ATG10: variants seen among roughly 807,000 people sequenced by gnomAD.
ATG10 encodes autophagy related 10.
Under a neutral mutation model 32.1 loss-of-function variants are expected in ATG10, and 30 were observed. That is an observed-to-expected ratio of 0.94 (90% CI 0.70 to 1.27). ATG10 has a LOEUF of 1.27. Ranked by LOEUF, ATG10 falls within the 50% of genes most tolerant of loss-of-function variation. The pLI, the probability that ATG10 is intolerant of heterozygous loss-of-function variation, is 0.00. For missense variants in ATG10, 233 were observed against 262.3 expected, an observed-to-expected ratio of 0.89 and a Z score of 0.77; for synonymous variants, 87 against 91.5, an observed-to-expected ratio of 0.95 and a Z score of 0.28.
intron 5 of ATG10, among the ~76,000 whole-genome samples, chr5:82,222,785 C>T (rs1441589484): frequency 1.3e-5 from 2 of 152,208 alleles, no homozygotes; most frequent in African/African-American, 4.8e-5. Context: ...GGCACATCAG[C>T]TGTGCAGTTG....
At chr5:81,980,626 GTGATTTGAAA>G (rs895076795) in intron 1 of ATG10, among the ~76,000 whole-genome samples, 1 of 151,878 alleles carries the variant, frequency 6.6e-6, no homozygotes, top group Non-Finnish European at 1.5e-5. Context: ...GTGTTTTTGT[GTGATTTGAAA>G]TAATTTATAG....
chr5:82,171,363 G>T (rs1581766847), intron 4 of ATG10, among the ~76,000 whole-genome samples: 1 of 152,154 alleles, frequency 6.6e-6, no homozygotes, highest in East Asian at 1.9e-4. Flanking sequence ...ATTCAAGACT[G>T]CTAGACAAAT....
intron 3 of ATG10, among the ~76,000 whole-genome samples, chr5:82,059,870 T>A (rs1374383960): frequency 6.6e-6 from 1 of 152,192 alleles, no homozygotes; most frequent in East Asian, 1.9e-4. Flanking sequence ...TGATTACTGC[T>A]TCATGGTTCC....
chr5:82,087,333 A>G (rs1393747823), intron 3 of ATG10, among the ~76,000 whole-genome samples: 1 of 152,174 alleles, frequency 6.6e-6, no homozygotes, highest in African/African-American at 2.4e-5. Context: ...AGTACTCAAT[A>G]TATTGAAAAG....
At chr5:82,229,556 C>G (rs1012764401) in intron 5 of ATG10, among the ~76,000 whole-genome samples, 1 of 152,102 alleles carries the variant, frequency 6.6e-6, no homozygotes, top group African/African-American at 2.4e-5. Flanking sequence ...GGTTTTTACA[C>G]TTAATATCAT....
chr5:82,076,654 A>G (rs1248392561), intron 3 of ATG10, among the ~76,000 whole-genome samples: 1 of 152,216 alleles, frequency 6.6e-6, no homozygotes, highest in East Asian at 1.9e-4. Context: ...GAATTATTTA[A>G]GTGTAGCCAG....
chr5:82,136,344 G>GT (rs1168348714), intron 3 of ATG10, among the ~76,000 whole-genome samples: 6 of 152,162 alleles, frequency 3.9e-5, no homozygotes, highest in African/African-American at 1.4e-4. Context: ...AATTTGATAT[G>GT]TTTTTGCAGT....
intron 5 of ATG10, among the ~76,000 whole-genome samples, chr5:82,210,764 C>T (rs1745463072): frequency 1.3e-5 from 2 of 152,084 alleles, no homozygotes; most frequent in Non-Finnish European, 2.9e-5. Context: ...CCTGCCCCAC[C>T]TCAAGGCACT....
At chr5:82,139,570 C>CGCT (rs1766957486) in intron 3 of ATG10, among the ~76,000 whole-genome samples, 1 of 142,980 alleles carries the variant, frequency 7.0e-6, no homozygotes. Flanking sequence ...TCTGCCCGGC[C>CGCT]GCCCCGTCTG....
intron 5 of ATG10, among the ~76,000 whole-genome samples, chr5:82,207,937 A>T (rs891401518): frequency 2.6e-5 from 4 of 152,112 alleles, no homozygotes; most frequent in African/African-American, 9.7e-5. Context: ...TTTTCTAGAT[A>T]TTTTTTAACT....
intron 2 of ATG10, among the ~76,000 whole-genome samples, chr5:81,988,471 A>G (rs1761356650): frequency 6.6e-6 from 1 of 151,632 alleles, no homozygotes; most frequent in Non-Finnish European, 1.5e-5. Flanking sequence ...GATGGATTCT[A>G]GTTCTGTTCT....
rs558157183 is a variant in ATG10 at position 82,229,426 on chromosome 5, T to C, written c.454-23136T>C. The stretch of plus-strand genomic sequence containing the variant: ...GAGTTTGACAGGCACAATTTTGATT[T>C]AAATTTTATTTCATGCCATGCTTCA... On this transcript the variant is annotated intron_variant, in intron 5 of 7. Transcript: ENST00000282185. Among the ~76,000 whole-genome samples, 10 of 152,384 alleles carry C rather than the reference T, an allele frequency of 6.6e-5. No individual in the cohort carries two copies. The East Asian group carries it at 1.2e-3, about 18-fold the overall frequency.
intron 5 of ATG10, among the ~76,000 whole-genome samples, chr5:82,203,801 C>T (rs1280140071): frequency 2.0e-5 from 3 of 152,060 alleles, no homozygotes; most frequent in Non-Finnish European, 4.4e-5. Context: ...CTTGTGACTG[C>T]TTTTTAAATC....
At chr5:82,138,522 T>A (rs1044517567) in intron 3 of ATG10, among the ~76,000 whole-genome samples, 5 of 152,014 alleles carry the variant, frequency 3.3e-5, no homozygotes, top group Admixed American at 2.0e-4. Flanking sequence ...AGGTGATGCC[T>A]TACCCTGCCT....
chr5:81,976,394 A>G (rs1465659503), intron 1 of ATG10: 1 of 151,986 alleles, frequency 6.6e-6, no homozygotes, highest in Non-Finnish European at 1.5e-5. Context: ...ATTGCCCAGC[A>G]AAAACAGCTT....
chr5:82,119,987 TGTG>T (rs747348874), intron 3 of ATG10, among the ~76,000 whole-genome samples: 1 of 45,452 alleles, frequency 2.2e-5, no homozygotes, highest in Non-Finnish European at 4.1e-5. Flanking sequence ...CCATTTATTG[TGTG>T]TGTGTGTGTG....
At chr5:82,067,655 T>G (rs938410410) in intron 3 of ATG10, among the ~76,000 whole-genome samples, 50 of 152,140 alleles carry the variant, frequency 3.3e-4, no homozygotes, top group Non-Finnish European at 1.3e-4. Context: ...CTTCTTAAGG[T>G]TACTTCTATC....
At chr5:82,199,276 A>T (rs1744975714) in intron 5 of ATG10, among the ~76,000 whole-genome samples, 1 of 152,212 alleles carries the variant, frequency 6.6e-6, no homozygotes, top group African/African-American at 2.4e-5. Flanking sequence ...ATTTCTTGGT[A>T]GAATTTGTGT....
chr5:82,081,171 G>T (rs1375062377), intron 3 of ATG10, among the ~76,000 whole-genome samples: 1 of 152,142 alleles, frequency 6.6e-6, no homozygotes, highest in Non-Finnish European at 1.5e-5. Flanking sequence ...TCTGTTGTTG[G>T]TGTATAAGAA....
Sources: gnomAD v4.1 joint callset for allele counts (sites outside exome capture counted in the v4.1 genomes callset) on GRCh38, gnomAD v4.1.1 for gene constraint, MANE v1.5 for transcripts, NCBI Gene and HGNC (gene_info 2026-07-23, HGNC 2026-07-21) for gene names.